Variants in NPAS3 observed in about 807,000 individuals in gnomAD.
NPAS3 encodes neuronal PAS domain-containing protein 3.
Under a neutral mutation model 73.1 loss-of-function variants are expected in NPAS3, and 14 were observed. The observed-to-expected ratio is 0.19, with a 90% CI of 0.13 to 0.30. The LOEUF is 0.30. Ranked by LOEUF, NPAS3 falls within the 10% of genes least tolerant of loss-of-function variation. NPAS3 has a pLI of 1.00. For synonymous variants in NPAS3, 620 were observed against 541.5 expected, an observed-to-expected ratio of 1.14 and a Z score of -2.01; for missense variants, 1,096 against 1,250.0, an observed-to-expected ratio of 0.88 and a Z score of 1.86.
intron 3 of NPAS3, among the ~76,000 whole-genome samples, chr14:33,268,106 A>C (rs941080071): frequency 6.6e-6 from 1 of 151,788 alleles, no homozygotes. Flanking sequence ...TGTAGGTCTT[A>C]TGTGAACTTG....
At chr14:33,248,798 G>A (rs188861405) in intron 3 of NPAS3, among the ~76,000 whole-genome samples, 2 of 152,336 alleles carry the variant, frequency 1.3e-5, no homozygotes, top group East Asian at 3.9e-4. Flanking sequence ...GCAAGATGCT[G>A]TGAAAACCTA....
chr14:33,406,077 A>G (rs1369336933), intron 4 of NPAS3, among the ~76,000 whole-genome samples: 1 of 152,164 alleles, frequency 6.6e-6, no homozygotes, highest in East Asian at 1.9e-4. Context: ...ATTTTTCAAA[A>G]GCAAATCATC....
intron 4 of NPAS3, among the ~76,000 whole-genome samples, chr14:33,457,144 C>T (rs776575406): frequency 3.3e-5 from 5 of 152,230 alleles, no homozygotes; most frequent in Non-Finnish European, 5.9e-5. Flanking sequence ...GAATTTAGGT[C>T]ACACCACAAT....
intron 6 of NPAS3, among the ~76,000 whole-genome samples, chr14:33,696,100 T>G (rs10141764): frequency 0.35 from 52,483 of 152,046 alleles, 9,828 homozygotes; most frequent in East Asian, 0.61. Flanking sequence ...CGGTAATAAC[T>G]ATTCATCTTC....
chr14:33,784,767 T>TC (rs1365108030), intron 9 of NPAS3, among the ~76,000 whole-genome samples: 2 of 138,022 alleles, frequency 1.4e-5, no homozygotes, highest in Non-Finnish European at 1.6e-5. Flanking sequence ...TTTTTTTTTT[T>TC]GAGACAGAGT....
chr14:33,512,284 G>A (rs566759165), intron 4 of NPAS3, among the ~76,000 whole-genome samples: 141 of 148,374 alleles, frequency 9.5e-4, no homozygotes, highest in African/African-American at 3.2e-3. Flanking sequence ...TTTTTTTTTC[G>A]CCCATTGAGG....
At chr14:33,695,895 A>G (rs1219086197) in intron 6 of NPAS3, among the ~76,000 whole-genome samples, 1 of 152,232 alleles carries the variant, frequency 6.6e-6, no homozygotes. Context: ...GTTTCCCTGC[A>G]TAAGTCAGGT....
intron 5 of NPAS3, among the ~76,000 whole-genome samples, chr14:33,579,531 C>T (rs574494318): frequency 2.6e-5 from 4 of 152,110 alleles, no homozygotes; most frequent in South Asian, 2.1e-4. Context: ...AATATGGATG[C>T]GTAGAATGAA....
At chr14:33,073,278 A>T (rs1314354532) in intron 2 of NPAS3, among the ~76,000 whole-genome samples, 1 of 152,244 alleles carries the variant, frequency 6.6e-6, no homozygotes, top group African/African-American at 2.4e-5. Flanking sequence ...AATGAGGCAT[A>T]TAATTTATTG....
At chr14:33,051,039 C>G (rs573220057) in intron 1 of NPAS3, among the ~76,000 whole-genome samples, 2 of 151,942 alleles carry the variant, frequency 1.3e-5, no homozygotes, top group Non-Finnish European at 2.9e-5. Flanking sequence ...CTTTGGGAGG[C>G]CGAGGCGGGT....
chr14:33,317,611 G>A (rs2043260319), intron 3 of NPAS3, among the ~76,000 whole-genome samples: 1 of 152,042 alleles, frequency 6.6e-6, no homozygotes, highest in African/African-American at 2.4e-5. Context: ...CATGAGATCT[G>A]ATGGTTTCTT....
intron 6 of NPAS3, among the ~76,000 whole-genome samples, chr14:33,686,625 C>A (rs36077838): frequency 0.1 from 15,915 of 152,154 alleles, 1,057 homozygotes; most frequent in East Asian, 0.32. Flanking sequence ...TCCCATTTTA[C>A]AGATGAGAGG....
intron 2 of NPAS3, among the ~76,000 whole-genome samples, chr14:33,068,805 G>T (rs1378048198): frequency 6.6e-6 from 1 of 152,148 alleles, no homozygotes; most frequent in Non-Finnish European, 1.5e-5. Context: ...ATTCCAGGTA[G>T]AATGGACAAC....
At chr14:33,227,805 C>A (rs140823188) in intron 3 of NPAS3, among the ~76,000 whole-genome samples, 18 of 152,266 alleles carry the variant, frequency 1.2e-4, no homozygotes, top group African/African-American at 3.6e-4. Context: ...AGGTACAGTT[C>A]ATGTATCCCA....
chr14:33,146,891 CCT>C (rs2044254842), intron 2 of NPAS3, among the ~76,000 whole-genome samples: 1 of 152,132 alleles, frequency 6.6e-6, no homozygotes, highest in Admixed American at 6.5e-5. Context: ...TGTTTCCTTC[CCT>C]GTTTCCTTTG....
chr14:33,316,723 A>G (rs1475677312), intron 3 of NPAS3, among the ~76,000 whole-genome samples: 2 of 152,106 alleles, frequency 1.3e-5, no homozygotes, highest in Admixed American at 6.6e-5. Flanking sequence ...ATGTGTTAGC[A>G]TAAAGAAAGC....
chr14:33,557,920 G>A (rs557571660), intron 4 of NPAS3, among the ~76,000 whole-genome samples: 7 of 152,166 alleles, frequency 4.6e-5, no homozygotes, highest in East Asian at 1.9e-4. Flanking sequence ...AGTGAGCTGC[G>A]GTCTCGCTAC....
At chr14:33,259,024 A>G (rs1407128195) in intron 3 of NPAS3, among the ~76,000 whole-genome samples, 2 of 152,188 alleles carry the variant, frequency 1.3e-5, no homozygotes, top group Admixed American at 1.3e-4. Context: ...CATGTTAGCC[A>G]TGATGGTCTC....
At chr14:33,601,564 G>A (rs2057399869) in intron 5 of NPAS3, among the ~76,000 whole-genome samples, 1 of 152,168 alleles carries the variant, frequency 6.6e-6, no homozygotes, top group Non-Finnish European at 1.5e-5. Context: ...AAATTTGAGT[G>A]AGAAAATTAA....
Sources: gnomAD v4.1 joint callset for allele counts (sites outside exome capture counted in the v4.1 genomes callset) on GRCh38, gnomAD v4.1.1 for gene constraint, MANE v1.5 for transcripts, NCBI Gene and HGNC (gene_info 2026-07-23, HGNC 2026-07-21) for gene names.